Variants in SLC38A8 observed in about 807,000 individuals in gnomAD.
SLC38A8 encodes solute carrier family 38 member 8.
SLC38A8 carries 65 observed loss-of-function variants against 46.0 expected under a neutral mutation model. The ratio of observed to expected loss-of-function variants is 1.41; its 90% CI spans 1.16 to 1.74. The LOEUF (loss-of-function observed/expected upper bound fraction) is 1.74. Ranked by LOEUF, SLC38A8 falls within the 40% of genes most tolerant of loss-of-function variation. The pLI, the probability that SLC38A8 is intolerant of heterozygous loss-of-function variation, is 0.00. For synonymous variants in SLC38A8, 447 were observed against 243.7 expected (o/e 1.83, Z -7.77); for missense variants, 998 against 567.9 (o/e 1.76, Z -7.70).
At chr16:84,012,364 C>T (rs1046294184) in intron 10 of SLC38A8, among the ~76,000 whole-genome samples, 5 of 152,166 alleles carry the variant, frequency 3.3e-5, no homozygotes, top group African/African-American at 1.2e-4. Context: ...CAGGTCCGCT[C>T]GGGGATAAAT....
intron 9 of SLC38A8, among the ~76,000 whole-genome samples, chr16:84,013,322 C>T (rs1040478875): frequency 6.6e-6 from 1 of 152,170 alleles, no homozygotes; most frequent in Non-Finnish European, 1.5e-5. Context: ...CAACATGCCC[C>T]CCCACAGCAG....
chr16:84,040,154 T>C (rs908628047), intron 2 of SLC38A8: 9 of 152,216 alleles, frequency 5.9e-5, no homozygotes, highest in East Asian at 1.9e-4. Context: ...AAGTGGAGGA[T>C]AGCAGCCTCC....
intron 9 of SLC38A8, among the ~76,000 whole-genome samples, chr16:84,014,541 C>T (rs2085001836): frequency 6.6e-6 from 1 of 151,926 alleles, no homozygotes; most frequent in Non-Finnish European, 1.5e-5. Flanking sequence ...CATGGCCACA[C>T]CCCTCTCCTC....
intron 9 of SLC38A8, among the ~76,000 whole-genome samples, chr16:84,015,739 C>A (rs993101453): frequency 3.3e-5 from 5 of 152,158 alleles, no homozygotes; most frequent in African/African-American, 1.2e-4. Context: ...GAGTTTCACT[C>A]TTGTCGCCCA....
chr16:84,034,078 G>A (rs987050569), intron 3 of SLC38A8, among the ~76,000 whole-genome samples: 3 of 152,206 alleles, frequency 2.0e-5, no homozygotes, highest in Non-Finnish European at 4.4e-5. Context: ...GAGGAACCCT[G>A]ATGGCTCCCC....
intron 6 of SLC38A8, among the ~76,000 whole-genome samples, chr16:84,028,278 C>T (rs1423400567): frequency 2.0e-5 from 3 of 152,040 alleles, no homozygotes; most frequent in Non-Finnish European, 4.4e-5. Flanking sequence ...CGAGGCAAAT[C>T]TTCCCGAAAA....
chr16:84,036,631 A>T, intron 3 of SLC38A8, 71 bp downstream of exon 3: 1 of 1,562,088 alleles, frequency 6.4e-7, no homozygotes, highest in Non-Finnish European at 8.7e-7. Flanking sequence ...CGTCCTGCTC[A>T]ACTGGAAACT....
intron 7 of SLC38A8, among the ~76,000 whole-genome samples, chr16:84,019,988 G>A (rs2085076550): frequency 6.6e-6 from 1 of 152,248 alleles, no homozygotes; most frequent in South Asian, 2.1e-4. Flanking sequence ...GTTGGCACCT[G>A]ATGCCTGAAG....
Position 84,036,626 on chromosome 16 carries a change from T to G in SLC38A8, c.388+76A>C, listed in dbSNP as rs2085302007. 8 of 1,543,242 alleles carry G rather than the reference T, an allele frequency of 5.2e-6. No homozygotes were observed. The Admixed American group carries it at 1.1e-4, about 21-fold the overall frequency. ...GGGCCCAGGCCAGGGCCCCACGTCCTGCTCAACTGGAAACTCCAAGAGGTC... is the reference window on the plus strand; with the variant it reads ...GGGCCCAGGCCAGGGCCCCACGTCCGGCTCAACTGGAAACTCCAAGAGGTC... On this transcript the variant is annotated intron_variant, in intron 3 of 10. Coordinates refer to ENST00000299709, the MANE Select transcript of SLC38A8 (RefSeq NM_001080442.3).
chr16:84,020,811 T>C (rs2085086482), intron 7 of SLC38A8, among the ~76,000 whole-genome samples: 1 of 152,150 alleles, frequency 6.6e-6, no homozygotes, highest in Admixed American at 6.5e-5. Context: ...ATCCTTTCTC[T>C]CCATATTAAT....
intron 7 of SLC38A8, among the ~76,000 whole-genome samples, chr16:84,017,748 C>T (rs550633531): frequency 3.3e-5 from 5 of 152,210 alleles, no homozygotes; most frequent in Admixed American, 6.5e-5. Flanking sequence ...AGGACAAGAG[C>T]GCCATTCCCT....
chr16:84,027,479 G>C (rs2085179038), intron 6 of SLC38A8, among the ~76,000 whole-genome samples: 1 of 152,232 alleles, frequency 6.6e-6, no homozygotes, highest in African/African-American at 2.4e-5. Flanking sequence ...GGACAGGCCT[G>C]GGGCGGGGGT....
Position 84,014,652 on chromosome 16 carries a change from T to TCCTCC in SLC38A8, c.1163-1605_1163-1601dup, listed in dbSNP as rs375214114. ...CCAGGAGCAGAGTGGGTGGCTGTTC[T>TCCTCC]CCTCCCCTCCCTTCACTTCACTTCC... On this transcript the variant is annotated intron_variant, in intron 9 of 10. Transcript: ENST00000299709. Among the ~76,000 whole-genome samples, 366 of 152,142 alleles carry TCCTCC rather than the reference T, an allele frequency of 2.4e-3. 3 individuals carry two copies. In the South Asian group the frequency reaches 0.032, roughly 13 times the overall value.
At chr16:84,015,854 C>A in intron 9 of SLC38A8, among the ~76,000 whole-genome samples, 1 of 152,196 alleles carries the variant, frequency 6.6e-6, no homozygotes, top group East Asian at 1.9e-4. Flanking sequence ...TACAGGCATA[C>A]ACCACCATGG....
chr16:84,025,360 G>T (rs913482468), intron 6 of SLC38A8, among the ~76,000 whole-genome samples: 2 of 152,120 alleles, frequency 1.3e-5, no homozygotes, highest in African/African-American at 4.8e-5. Context: ...GCTACTGCTG[G>T]TCCCTCTGGC....
At chr16:84,016,392 T>G in intron 9 of SLC38A8, 127 bp downstream of exon 9, 1 of 1,051,286 alleles carries the variant, frequency 9.5e-7, no homozygotes, top group Non-Finnish European at 1.4e-6. Context: ...GGCACCTACA[T>G]GGGGTCTTAA....
chr16:84,029,964 AGGTCTGCGT>A (rs2085218947), intron 5 of SLC38A8, among the ~76,000 whole-genome samples: 1 of 152,186 alleles, frequency 6.6e-6, no homozygotes. Flanking sequence ...AAGAGGACAG[AGGTCTGCGT>A]GGGGAGAACC....
chr16:84,030,351 G>T (rs2085223252), intron 5 of SLC38A8, among the ~76,000 whole-genome samples: 1 of 152,074 alleles, frequency 6.6e-6, no homozygotes, highest in Non-Finnish European at 1.5e-5. Flanking sequence ...TTTTTACCAG[G>T]GCCTCCTCAT....
Position 84,016,654 on chromosome 16 carries a change from C to G in SLC38A8, c.1027G>C (p.Gly343Arg), listed in dbSNP as rs113733057. The change falls in exon 9 of 11, where the codon GGG becomes CGG. Residue 343 changes from glycine to arginine, a missense_variant. Transcript: ENST00000299709. ...GTCAGCGGCATCCGGACCCACAGCC[C>G]TGAGGGGTCGGCCAGGGCGCTGGGC... ...WGPSALADPS[G>R]LWVRMPLTIL... 2.1e-3 allele frequency: 3,448 copies of G among 1,613,860 alleles called. 40 individuals are homozygous for G. The highest frequency in any genetic ancestry group is 0.015 in the Middle Eastern group (92 of 6,050).
Sources: allele counts gnomAD v4.1 joint callset (sites outside exome capture counted in the v4.1 genomes callset), GRCh38; gene constraint gnomAD v4.1.1; transcripts MANE v1.5; gene names NCBI Gene and HGNC (gene_info 2026-07-23, HGNC 2026-07-21).